The following INPP4B variants were observed in gnomAD, a reference collection of about 807,000 sequenced individuals.
INPP4B encodes inositol polyphosphate 4-phosphatase type II.
A neutral mutation model predicts 122.5 loss-of-function variants in INPP4B; 55 were observed. That is an observed-to-expected ratio of 0.45 (90% CI 0.36 to 0.56). The LOEUF (loss-of-function observed/expected upper bound fraction) is 0.56. INPP4B is among the 20% of genes least tolerant of loss of function. The pLI is 0.00. For missense variants in INPP4B, 1,000 were observed against 1,097.7 expected, an observed-to-expected ratio of 0.91 and a Z score of 1.26; for synonymous variants, 403 against 388.7, an observed-to-expected ratio of 1.04 and a Z score of -0.43.
At chr4:142,591,470 G>A (rs951848475) in intron 2 of INPP4B, among the ~76,000 whole-genome samples, 1 of 151,880 alleles carries the variant, frequency 6.6e-6, no homozygotes, top group Admixed American at 6.6e-5. Flanking sequence ...ATAAATAATT[G>A]AATAAATAAA....
chr4:142,634,252 A>G (rs1158449952), intron 2 of INPP4B, among the ~76,000 whole-genome samples: 1 of 152,192 alleles, frequency 6.6e-6, no homozygotes, highest in Non-Finnish European at 1.5e-5. Flanking sequence ...AATTCTATAA[A>G]ACACTGAAGA....
chr4:142,378,487 A>C (rs941098794), intron 7 of INPP4B, among the ~76,000 whole-genome samples: 2 of 152,168 alleles, frequency 1.3e-5, no homozygotes, highest in Admixed American at 1.3e-4. Context: ...GCAAGTTCAA[A>C]GTCAAACTAA....
At chr4:142,340,011 C>A (rs1778123163) in intron 7 of INPP4B, among the ~76,000 whole-genome samples, 1 of 152,000 alleles carries the variant, frequency 6.6e-6, no homozygotes, top group Non-Finnish European at 1.5e-5. Flanking sequence ...TATTTCTAAG[C>A]TACAAGACTG....
chr4:142,531,200 G>T (rs1827568826), intron 2 of INPP4B, among the ~76,000 whole-genome samples: 1 of 151,716 alleles, frequency 6.6e-6, no homozygotes, highest in South Asian at 2.1e-4. Flanking sequence ...ATTGATGTGG[G>T]TGTGAAAGTC....
At chr4:142,665,418 T>G (rs1009380403) in intron 2 of INPP4B, among the ~76,000 whole-genome samples, 4 of 140,574 alleles carry the variant, frequency 2.8e-5, no homozygotes, top group Non-Finnish European at 6.0e-5. Flanking sequence ...GGCGTGAACC[T>G]GGGAGGCAGA....
chr4:142,722,963 C>A (rs1764878667), intron 2 of INPP4B, among the ~76,000 whole-genome samples: 1 of 152,154 alleles, frequency 6.6e-6, no homozygotes, highest in African/African-American at 2.4e-5. Context: ...GTAATAAACC[C>A]TTAAAATATC....
At chr4:142,454,927 A>G (rs149613031) in intron 3 of INPP4B, among the ~76,000 whole-genome samples, 7 of 152,182 alleles carry the variant, frequency 4.6e-5, no homozygotes, top group African/African-American at 1.7e-4. Context: ...CTAAACAGGA[A>G]AATTGTTGAA....
intron 7 of INPP4B, among the ~76,000 whole-genome samples, chr4:142,397,337 A>G (rs969861146): frequency 3.3e-5 from 5 of 152,236 alleles, no homozygotes; most frequent in African/African-American, 1.2e-4. Context: ...GAACAAAAGC[A>G]AAAGTTTGAG....
chr4:142,289,432 T>C (rs959630716), intron 9 of INPP4B, among the ~76,000 whole-genome samples: 7 of 152,196 alleles, frequency 4.6e-5, no homozygotes, highest in Non-Finnish European at 8.8e-5. Context: ...GTTTGTTACA[T>C]AGGTAAATGT....
At chr4:142,728,856 T>G (rs1221433984) in intron 1 of INPP4B, among the ~76,000 whole-genome samples, 1 of 152,216 alleles carries the variant, frequency 6.6e-6, no homozygotes, top group Non-Finnish European at 1.5e-5. Context: ...TAATTAGTGG[T>G]AATGTGTTAT....
At chr4:142,638,165 G>A (rs1470837331) in intron 2 of INPP4B, among the ~76,000 whole-genome samples, 1 of 151,990 alleles carries the variant, frequency 6.6e-6, no homozygotes, top group Non-Finnish European at 1.5e-5. Context: ...TCATTCTCTT[G>A]ACATTGTCTT....
intron 25 of INPP4B, among the ~76,000 whole-genome samples, chr4:142,036,216 C>A (rs765658255): frequency 9.9e-5 from 15 of 152,160 alleles, no homozygotes; most frequent in Non-Finnish European, 1.9e-4. Flanking sequence ...CCTAGCACTA[C>A]CTCCTAATCT....
At chr4:142,287,139 A>G (rs1754099875) in intron 9 of INPP4B, 1 of 152,166 alleles carries the variant, frequency 6.6e-6, no homozygotes, top group Non-Finnish European at 1.5e-5. Context: ...AAGCATCTTC[A>G]TCTTCCATTA....
chr4:142,105,712 TA>T (rs1251150388), intron 23 of INPP4B, among the ~76,000 whole-genome samples: 2 of 152,096 alleles, frequency 1.3e-5, no homozygotes, highest in Non-Finnish European at 2.9e-5. Context: ...AGAGAATCAG[TA>T]AATTAATAGT....
intron 2 of INPP4B, among the ~76,000 whole-genome samples, chr4:142,526,862 C>CA (rs60450605): frequency 0.8 from 120,894 of 151,918 alleles, 49,052 homozygotes; most frequent in Middle Eastern, 0.9. Flanking sequence ...TTAAAATTCT[C>CA]ATTTATGTAA....
intron 2 of INPP4B, among the ~76,000 whole-genome samples, chr4:142,618,043 G>A (rs1744082754): frequency 6.6e-6 from 1 of 151,930 alleles, no homozygotes; most frequent in Non-Finnish European, 1.5e-5. Flanking sequence ...CTTTTTAAAG[G>A]GAATTAAAGA....
At chr4:142,821,203 A>G (rs969305374) in intron 1 of INPP4B, among the ~76,000 whole-genome samples, 1 of 152,126 alleles carries the variant, frequency 6.6e-6, no homozygotes, top group Non-Finnish European at 1.5e-5. Flanking sequence ...AACATTATTA[A>G]AAACTTCACT....
chr4:142,748,489 G>T (rs573462420), intron 1 of INPP4B, among the ~76,000 whole-genome samples: 111 of 151,616 alleles, frequency 7.3e-4, no homozygotes, highest in Non-Finnish European at 1.3e-4. Flanking sequence ...TCCCAGCAAA[G>T]TAATCAGAAA....
chr4:142,281,107 A>T (rs1319470441), intron 9 of INPP4B, among the ~76,000 whole-genome samples: 4 of 146,734 alleles, frequency 2.7e-5, no homozygotes, highest in East Asian at 4.0e-4. Flanking sequence ...CATTTATTTC[A>T]TTTTTTTTTT....
Sources: allele counts gnomAD v4.1 joint callset (sites outside exome capture counted in the v4.1 genomes callset), GRCh38; gene constraint gnomAD v4.1.1; transcripts MANE v1.5; gene names NCBI Gene and HGNC (gene_info 2026-07-23, HGNC 2026-07-21).